The following EFCAB12 variants were observed in gnomAD, a reference collection of about 807,000 sequenced individuals.
EFCAB12 encodes the protein EF-hand calcium binding domain 12.
Under a neutral mutation model 53.6 loss-of-function variants are expected in EFCAB12, and 43 were observed. That is an observed-to-expected ratio of 0.80 (90% CI 0.63 to 1.03). The LOEUF is 1.03. Ranked by LOEUF, EFCAB12 falls within the 50% of genes least tolerant of loss-of-function variation. The probability of loss-of-function intolerance (pLI) is 0.00; values close to 1 mark genes in which losing one functional copy is unlikely to be tolerated. For missense variants in EFCAB12, 646 were observed against 730.6 expected (o/e 0.88, Z 1.34); for synonymous variants, 269 against 289.2 (o/e 0.93, Z 0.71).
At chr3:129,424,365 G>C (rs758706580) in intron 1 of EFCAB12, among the ~76,000 whole-genome samples, 1 of 152,150 alleles carries the variant, frequency 6.6e-6, no homozygotes, top group Non-Finnish European at 1.5e-5. Flanking sequence ...CATGGGAGAG[G>C]ACGTCCCCCT....
intron 3 of EFCAB12, among the ~76,000 whole-genome samples, chr3:129,417,354 C>A (rs1349367926): frequency 4.3e-4 from 53 of 122,396 alleles, no homozygotes; most frequent in Middle Eastern, 3.9e-3. Context: ...AAAAAAAAAA[C>A]CCAAAACCAA....
Position 129,401,372 on chromosome 3 carries a change from G to T in EFCAB12, c.*221C>A. ...TTATGTAGAAAGGGCAGAGGTCAGG[G>T]GAGGGAAATAGTCAAAAACTGCACG... On this transcript the variant is annotated 3_prime_UTR_variant, in exon 9 of 9. Transcript: ENST00000505956. 1.9e-6 allele frequency: 1 copy of T among 532,436 alleles called. No individual in the cohort carries two copies. The highest frequency in any genetic ancestry group is 3.1e-6 in the Non-Finnish European group (1 of 319,108). The allele number at this position is 532,436 out of a possible 1,614,324, so 33.0% of individuals were successfully genotyped here. A position where few individuals can be genotyped will look rare whatever the true frequency, so the allele number is the denominator to read the frequency against.
intron 5 of EFCAB12, 107 bp downstream of exon 5, chr3:129,411,051 C>T: frequency 3.2e-6 from 4 of 1,260,298 alleles, no homozygotes; most frequent in Middle Eastern, 2.8e-4. Flanking sequence ...GAGGCGAAGA[C>T]CCCCCTCCCC....
In EFCAB12 at chr3:129,404,415, A is replaced by C. The variant is rs934567627; in HGVS notation, c.1250-12T>G. 1.2e-6 allele frequency: 2 copies of C among 1,610,808 alleles called. No individual in the cohort carries two copies. Among genetic ancestry groups the C allele is most frequent in the African/African-American group, 2.7e-5 (2 of 74,572 alleles). ...TGGGTACAGCAAGGCTGTGGACAGC[A>C]AGAGAAACATCTGCACCCATCAACC... On this transcript the variant is annotated splice_polypyrimidine_tract_variant and intron_variant, in intron 6 of 8. Transcript: ENST00000505956.
chr3:129,428,174 C>T (rs2072294004), intron 1 of EFCAB12, among the ~76,000 whole-genome samples: 1 of 152,232 alleles, frequency 6.6e-6, no homozygotes, highest in Non-Finnish European at 1.5e-5. Flanking sequence ...CTCCATGCCT[C>T]TCCTCCAGTA....
intron 6 of EFCAB12, among the ~76,000 whole-genome samples, chr3:129,405,017 A>T (rs9849510): frequency 0.31 from 47,356 of 151,882 alleles, 10,527 homozygotes; most frequent in East Asian, 0.63. Context: ...TCTTGTTATG[A>T]TACCCAGGCT....
At chr3:129,416,343 G>A (rs537694163) in intron 3 of EFCAB12, among the ~76,000 whole-genome samples, 1 of 152,232 alleles carries the variant, frequency 6.6e-6, no homozygotes, top group East Asian at 1.9e-4. Flanking sequence ...CTTGAACCAG[G>A]GAGAGGGAGG....
At chr3:129,414,760 T>A (rs1193025076) in intron 4 of EFCAB12, 2 of 152,580 alleles carry the variant, frequency 1.3e-5, no homozygotes, top group Non-Finnish European at 2.9e-5. Flanking sequence ...GTACAACCTT[T>A]ACAACTGTTG....
intron 6 of EFCAB12, among the ~76,000 whole-genome samples, chr3:129,406,875 T>C (rs2071959935): frequency 6.6e-6 from 1 of 150,664 alleles, no homozygotes; most frequent in African/African-American, 2.4e-5. Flanking sequence ...GGTTTTTTTT[T>C]TTTTTGACAG....
Position 129,401,600 on chromosome 3 carries a change from A to G in EFCAB12, c.1712T>C (p.Ile571Thr), listed in dbSNP as rs544305426. ...GGCAACACCTGGCTAGCTCTAGTTG[A>G]TGTAGTACACCTTGGCGGCATCATA... ...AHYDAAKVYY[I>T]N Residue 571 changes from isoleucine to threonine, a missense_variant, in exon 9 of 9, where the codon ATC becomes ACC. Coordinates refer to ENST00000505956, the MANE Select transcript of EFCAB12 (RefSeq NM_207307.3). The G allele has an allele frequency of 6.5e-7, 1 of 1,548,288 alleles. No homozygotes were observed. Among genetic ancestry groups the G allele is most frequent in the East Asian group, 2.4e-5 (1 of 41,928 alleles).
At position 129,421,364 on chromosome 3, in the gene EFCAB12, C is replaced by T; in HGVS notation, c.486+3G>A. ...TCTTCATCTGGCAAATGGGGCTGCTCACCCTGGTGGTCCTGGTAGTTGCCT... is the reference window on the plus strand; with the variant it reads ...TCTTCATCTGGCAAATGGGGCTGCTTACCCTGGTGGTCCTGGTAGTTGCCT... On this transcript the variant is annotated splice_donor_region_variant and intron_variant, in intron 2 of 8. Transcript: ENST00000505956. 4.4e-6 allele frequency: 7 copies of T among 1,598,854 alleles called. No homozygotes were observed. Among genetic ancestry groups the T allele is most frequent in the Non-Finnish European group, 6.0e-6 (7 of 1,169,776 alleles).
chr3:129,412,344 T>C (rs2072052921), intron 4 of EFCAB12: 2 of 152,120 alleles, frequency 1.3e-5, no homozygotes, highest in African/African-American at 4.8e-5. Flanking sequence ...ATCACACCTG[T>C]GAATAGCCAC....
chr3:129,411,454 G>T, intron 4 of EFCAB12, 100 bp from the exon 5 acceptor site: 2 of 1,260,584 alleles, frequency 1.6e-6, no homozygotes, highest in Non-Finnish European at 2.2e-6. Flanking sequence ...CAGGCACCAG[G>T]CCACCCCTCC....
intron 3 of EFCAB12, 60 bp from the exon 4 acceptor site, chr3:129,415,461 G>A (rs963783690): frequency 2.5e-6 from 4 of 1,595,794 alleles, no homozygotes; most frequent in Non-Finnish European, 3.4e-6. Context: ...TGCTCTGATG[G>A]CCAAGGCCTT....
At chr3:129,413,904 A>T (rs1370752276) in intron 4 of EFCAB12, 2 of 152,236 alleles carry the variant, frequency 1.3e-5, no homozygotes, top group African/African-American at 2.4e-5. Flanking sequence ...ACTGGGAAAT[A>T]ACAGGACCCA....
chr3:129,404,470 G>T lies in EFCAB12; in HGVS notation c.1250-67C>A, dbSNP rs564704008. On this transcript the variant is annotated intron_variant, in intron 6 of 8. Transcript: ENST00000505956. ...CTGCCCATCCCTCCCTAAGCCTCTG[G>T]GGTCAGAGGAGGTGTTTTTTTTTTT... The T allele has an allele frequency of 8.0e-5, 113 of 1,420,128 alleles. 1 individual carries two copies. In the South Asian group the frequency reaches 1.9e-3, roughly 24 times the overall value. 88.0% of individuals were successfully genotyped at this position (1,420,128 alleles called of 1,614,324 possible). A position where few individuals can be genotyped will look rare whatever the true frequency, so the allele number is the denominator to read the frequency against.
intron 5 of EFCAB12, 64 bp from the exon 6 acceptor site, chr3:129,408,922 A>G: frequency 4.6e-6 from 7 of 1,525,454 alleles, no homozygotes; most frequent in Non-Finnish European, 6.2e-6. Context: ...TGGCCAGAAG[A>G]AGGAAGATGC....
Position 129,404,532 on chromosome 3 carries a change from A to G in EFCAB12, c.1250-129T>C, listed in dbSNP as rs1023753200. 7 of 1,081,864 alleles carry G rather than the reference A, an allele frequency of 6.5e-6. No homozygotes were observed. The African/African-American group carries it at 7.6e-5, about 12-fold the overall frequency. The allele number at this position is 1,081,864 out of a possible 1,614,324, so 67.0% of individuals were successfully genotyped here. ...TTTTTAAGACGTTTTCTTCTTATCT[A>G]TATAGTAACTTTTTATTGTTGAATA... is the stretch of plus-strand genomic sequence containing the variant. On this transcript the variant is annotated intron_variant, in intron 6 of 8. Transcript: ENST00000505956.
At position 129,418,248 on chromosome 3, in the gene EFCAB12, ACTT is replaced by A; in HGVS notation, c.681+3_681+5del. ...GGCCCATCCAGAGAAAGCAGGTGGCACTTACTGCCTTTACAGCCGCGATGAACT... is the reference window on the plus strand; with the variant it reads ...GGCCCATCCAGAGAAAGCAGGTGGCAACTGCCTTTACAGCCGCGATGAACT... On this transcript the variant is annotated splice_donor_5th_base_variant and intron_variant, in intron 3 of 8. Coordinates refer to ENST00000505956, the MANE Select transcript of EFCAB12 (RefSeq NM_207307.3). 1 of 1,602,574 alleles carries A rather than the reference ACTT, an allele frequency of 6.2e-7. No homozygotes were observed. The highest frequency in any genetic ancestry group is 8.5e-7 in the Non-Finnish European group (1 of 1,173,068).
Sources: allele counts gnomAD v4.1 joint callset (sites outside exome capture counted in the v4.1 genomes callset), GRCh38; gene constraint gnomAD v4.1.1; transcripts MANE v1.5; gene names NCBI Gene and HGNC (gene_info 2026-07-23, HGNC 2026-07-21).